The following FHOD3 variants were observed in gnomAD, a reference collection of about 807,000 sequenced individuals.
FHOD3 encodes formin homology 2 domain containing 3, also known as FH1/FH2 domain-containing protein 3.
FHOD3 carries 90 observed loss-of-function variants against 173.0 expected under a neutral mutation model. That is an observed-to-expected ratio of 0.52 (90% confidence interval 0.44 to 0.62). The LOEUF is 0.62. FHOD3 is among the 20% of genes least tolerant of loss of function. The probability of loss-of-function intolerance (pLI) is 0.00; values close to 1 mark genes in which losing one functional copy is unlikely to be tolerated. For missense variants in FHOD3, 1,945 were observed against 2,034.7 expected, an observed-to-expected ratio of 0.96 and a Z score of 0.85; for synonymous variants, 828 against 823.0, an observed-to-expected ratio of 1.01 and a Z score of -0.10.
rs995880101 is a variant in FHOD3, at chr18:36,661,468, C to T, written c.1835+3280C>T. The stretch of plus-strand genomic sequence containing the variant: ...TGGTTACATTTCTGCAATGAGGATG[C>T]GCGTCTTCTGTGATCATACCCCTGA... On this transcript the variant is annotated intron_variant, in intron 14 of 28. Coordinates refer to ENST00000590592, the MANE Select transcript of FHOD3 (RefSeq NM_001281740.3). Among the ~76,000 whole-genome samples, 11 of 152,216 alleles carry T rather than the reference C, an allele frequency of 7.2e-5. No individual in the cohort carries two copies. The East Asian group carries it at 1.5e-3, about 21-fold the overall frequency.
intron 1 of FHOD3, among the ~76,000 whole-genome samples, chr18:36,332,698 G>T (rs561564656): frequency 6.6e-6 from 1 of 152,216 alleles, no homozygotes; most frequent in African/African-American, 2.4e-5. Flanking sequence ...CTGCTAGGCA[G>T]GTTCTGTGCC....
At chr18:36,622,396 C>T (rs1356328888) in intron 9 of FHOD3, among the ~76,000 whole-genome samples, 2 of 152,106 alleles carry the variant, frequency 1.3e-5, no homozygotes, top group Non-Finnish European at 2.9e-5. Context: ...CATTCAGTGG[C>T]CTCAAAGACT....
At chr18:36,512,062 A>G (rs1320269378) in intron 4 of FHOD3, among the ~76,000 whole-genome samples, 2 of 152,204 alleles carry the variant, frequency 1.3e-5, no homozygotes, top group Non-Finnish European at 2.9e-5. Flanking sequence ...TGCTGCAATC[A>G]AATGTTTCCT....
intron 4 of FHOD3, among the ~76,000 whole-genome samples, chr18:36,510,361 GA>G (rs745363048): frequency 2.0e-5 from 3 of 152,172 alleles, no homozygotes; most frequent in African/African-American, 7.2e-5. Flanking sequence ...CAATTTGGAA[GA>G]TTTTTTTCCA....
intron 5 of FHOD3, among the ~76,000 whole-genome samples, chr18:36,539,828 C>A (rs546220312): frequency 6.6e-6 from 1 of 152,122 alleles, no homozygotes; most frequent in Non-Finnish European, 1.5e-5. Context: ...CAAGAATGGA[C>A]AGCAGTGATG....
At chr18:36,338,205 A>G (rs1487858173) in intron 1 of FHOD3, among the ~76,000 whole-genome samples, 1 of 152,094 alleles carries the variant, frequency 6.6e-6, no homozygotes, top group Non-Finnish European at 1.5e-5. Flanking sequence ...CATCTGAGGA[A>G]AAAGATCTTT....
chr18:36,410,467 T>G (rs1599010120), intron 3 of FHOD3, among the ~76,000 whole-genome samples: 1 of 152,304 alleles, frequency 6.6e-6, no homozygotes, highest in East Asian at 1.9e-4. Context: ...TATGTACAAG[T>G]TTTTGTGTCA....
At chr18:36,554,693 T>C (rs553666379) in intron 5 of FHOD3, among the ~76,000 whole-genome samples, 1 of 152,246 alleles carries the variant, frequency 6.6e-6, no homozygotes, top group Non-Finnish European at 1.5e-5. Flanking sequence ...AATTCACCAA[T>C]GCAGCCATCT....
At chr18:36,749,721 T>C (rs912789870) in intron 24 of FHOD3, among the ~76,000 whole-genome samples, 2 of 152,220 alleles carry the variant, frequency 1.3e-5, no homozygotes, top group African/African-American at 4.8e-5. Context: ...CTGGGTCGAA[T>C]GGAAGTTCTG....
At chr18:36,568,219 T>C (rs1222514920) in intron 5 of FHOD3, among the ~76,000 whole-genome samples, 4 of 147,062 alleles carry the variant, frequency 2.7e-5, no homozygotes, top group African/African-American at 1.0e-4. Flanking sequence ...ACATCTGTAA[T>C]TCCAGCTACT....
At chr18:36,656,467 C>T (rs2036434353) in intron 13 of FHOD3, among the ~76,000 whole-genome samples, 1 of 152,102 alleles carries the variant, frequency 6.6e-6, no homozygotes, top group Admixed American at 6.5e-5. Context: ...ATATGCCAGC[C>T]ATGTGACACT....
intron 5 of FHOD3, among the ~76,000 whole-genome samples, chr18:36,552,776 G>A (rs2147385796): frequency 6.6e-6 from 1 of 152,168 alleles, no homozygotes; most frequent in South Asian, 2.1e-4. Context: ...GGGATTACAG[G>A]CATGAGCCAC....
intron 1 of FHOD3, among the ~76,000 whole-genome samples, chr18:36,300,766 C>T (rs2091939700): frequency 1.3e-5 from 2 of 151,808 alleles, no homozygotes; most frequent in African/African-American, 4.8e-5. Context: ...GTGACAGGGT[C>T]TCACTCTTGT....
At chr18:36,440,043 C>A (rs1286214682) in intron 3 of FHOD3, among the ~76,000 whole-genome samples, 1 of 152,110 alleles carries the variant, frequency 6.6e-6, no homozygotes, top group Non-Finnish European at 1.5e-5. Flanking sequence ...TTAGCCCAGT[C>A]AAGTTGACAC....
At chr18:36,362,497 C>T (rs2046676268) in intron 2 of FHOD3, among the ~76,000 whole-genome samples, 1 of 152,202 alleles carries the variant, frequency 6.6e-6, no homozygotes. Context: ...GCAAGCCACA[C>T]ACAAGGTGTG....
At chr18:36,703,955 C>G (rs2039728674) in intron 17 of FHOD3, among the ~76,000 whole-genome samples, 1 of 152,154 alleles carries the variant, frequency 6.6e-6, no homozygotes, top group Non-Finnish European at 1.5e-5. Flanking sequence ...CCAGTAATGT[C>G]TGTTTCTTTG....
chr18:36,750,425 C>T (rs2042354658), intron 24 of FHOD3, among the ~76,000 whole-genome samples: 1 of 152,192 alleles, frequency 6.6e-6, no homozygotes, highest in Non-Finnish European at 1.5e-5. Context: ...TTTTCGCCCA[C>T]TCTATAGGTT....
At chr18:36,601,730 G>A (rs753341920) in intron 7 of FHOD3, among the ~76,000 whole-genome samples, 7 of 152,188 alleles carry the variant, frequency 4.6e-5, no homozygotes, top group African/African-American at 1.2e-4. Flanking sequence ...GAGAAAGCAC[G>A]AAAGAGCTTC....
At chr18:36,450,413 T>G (rs2051763610) in intron 3 of FHOD3, among the ~76,000 whole-genome samples, 1 of 151,858 alleles carries the variant, frequency 6.6e-6, no homozygotes, top group Non-Finnish European at 1.5e-5. Flanking sequence ...ATAGGATGAG[T>G]GTTAGACCAG....
Sources: allele counts gnomAD v4.1 joint callset (sites outside exome capture counted in the v4.1 genomes callset), GRCh38; gene constraint gnomAD v4.1.1; transcripts MANE v1.5; gene names NCBI Gene and HGNC (gene_info 2026-07-23, HGNC 2026-07-21).